TGFBR3: variants seen among roughly 807,000 people sequenced by gnomAD.
The protein encoded by TGFBR3 is transforming growth factor beta receptor type 3.
A neutral mutation model predicts 87.9 loss-of-function variants in TGFBR3; 46 were observed. The ratio of observed to expected loss-of-function variants is 0.52; its 90% CI spans 0.41 to 0.67. TGFBR3 has a LOEUF of 0.67. Ranked by LOEUF, TGFBR3 falls within the 30% of genes least tolerant of loss-of-function variation. The pLI, the probability that TGFBR3 is intolerant of heterozygous loss-of-function variation, is 0.00. For missense variants in TGFBR3, 866 were observed against 1,041.9 expected (o/e 0.83, Z 2.32); for synonymous variants, 381 against 391.6 (o/e 0.97, Z 0.32).
intron 2 of TGFBR3, among the ~76,000 whole-genome samples, chr1:91,821,141 C>T (rs1032674659): frequency 1.3e-5 from 2 of 151,926 alleles, no homozygotes; most frequent in African/African-American, 4.8e-5. Flanking sequence ...AGCAACCTGG[C>T]CAACATGGTG....
chr1:91,801,777 CAA>C (rs1399153913), intron 2 of TGFBR3, among the ~76,000 whole-genome samples: 2 of 152,108 alleles, frequency 1.3e-5, no homozygotes, highest in East Asian at 3.9e-4. Flanking sequence ...AAACCTTCCT[CAA>C]AAAGTGTGCC....
At chr1:91,729,107 C>T (rs4658264) in intron 6 of TGFBR3, among the ~76,000 whole-genome samples, 25,103 of 109,380 alleles carry the variant, frequency 0.23, 4,062 homozygotes, top group East Asian at 0.48. Flanking sequence ...CAAGCGCTAT[C>T]GAATGGCTCT....
chr1:91,897,171 G>C (rs189145973), intron 2 of TGFBR3, among the ~76,000 whole-genome samples: 20 of 152,188 alleles, frequency 1.3e-4, no homozygotes, highest in Admixed American at 3.3e-4. Context: ...GATTATAATG[G>C]TCTTTTCAAT....
At chr1:91,842,197 G>A (rs1677314768) in intron 2 of TGFBR3, among the ~76,000 whole-genome samples, 1 of 152,148 alleles carries the variant, frequency 6.6e-6, no homozygotes, top group Non-Finnish European at 1.5e-5. Context: ...ACATTTTAGT[G>A]GGGGAAGATA....
intron 4 of TGFBR3, among the ~76,000 whole-genome samples, chr1:91,748,010 G>A (rs1003188910): frequency 1.3e-5 from 2 of 152,186 alleles, no homozygotes; most frequent in Admixed American, 1.3e-4. Context: ...TAGCTCCTGG[G>A]AATGGCTGGT....
At chr1:91,904,254 G>T (rs1209626473) in intron 1 of TGFBR3, among the ~76,000 whole-genome samples, 1 of 148,704 alleles carries the variant, frequency 6.7e-6, no homozygotes, top group Non-Finnish European at 1.5e-5. Context: ...GTGGTTAAAA[G>T]CATGGGTTTG....
intron 3 of TGFBR3, among the ~76,000 whole-genome samples, chr1:91,774,848 G>A (rs975328642): frequency 6.6e-6 from 1 of 152,192 alleles, no homozygotes; most frequent in Non-Finnish European, 1.5e-5. Flanking sequence ...ATAGAGAAAA[G>A]AGTGAAATCA....
intron 2 of TGFBR3, among the ~76,000 whole-genome samples, chr1:91,815,350 T>A (rs1373382627): frequency 7.8e-6 from 1 of 127,960 alleles, no homozygotes; most frequent in African/African-American, 2.9e-5. Context: ...ATAGGGATAG[T>A]CCTGTCCTAG....
At chr1:91,761,822 A>C (rs1463573915) in intron 3 of TGFBR3, among the ~76,000 whole-genome samples, 3 of 152,108 alleles carry the variant, frequency 2.0e-5, no homozygotes, top group Non-Finnish European at 4.4e-5. Flanking sequence ...ATTATAGCTC[A>C]GGGTAGACTA....
At chr1:91,818,519 G>A (rs144418371) in intron 2 of TGFBR3, among the ~76,000 whole-genome samples, 143 of 152,248 alleles carry the variant, frequency 9.4e-4, no homozygotes, top group African/African-American at 3.3e-3. Flanking sequence ...TCATAGAGGT[G>A]TGATTCAATT....
intron 14 of TGFBR3, 138 bp downstream of exon 14, chr1:91,708,525 C>T (rs769413920): frequency 7.3e-7 from 1 of 1,362,484 alleles, no homozygotes; most frequent in African/African-American, 1.4e-5. Flanking sequence ...ACTCTTCGGG[C>T]AAAAAATGGT....
intron 2 of TGFBR3, among the ~76,000 whole-genome samples, chr1:91,807,890 A>T (rs1675892466): frequency 6.6e-6 from 1 of 152,244 alleles, no homozygotes; most frequent in South Asian, 2.1e-4. Context: ...GGCTTGACTT[A>T]TAGATCAAAT....
At chr1:91,886,335 C>G (rs565022117), upstream of TGFBR3, 80 of 366,030 alleles carry the variant, frequency 2.2e-4, no homozygotes, top group Middle Eastern at 2.0e-3. Context: ...CTCTCCTCCC[C>G]CTTTGCCTCC....
Position 91,712,319 on chromosome 1 carries a change from T to G in TGFBR3, c.2090A>C (p.Asn697Thr), listed in dbSNP as rs1672010143. 6.2e-7 allele frequency: 1 copy of G among 1,614,238 alleles called. No individual in the cohort carries two copies. The highest frequency in any genetic ancestry group is 8.5e-7 in the Non-Finnish European group (1 of 1,180,032). The change falls in exon 13 of 17, where the codon AAC becomes ACC. Residue 697 changes from asparagine to threonine, a missense_variant. Physicochemically the swap from Asn to Thr is moderately conservative, Grantham distance 65 (BLOSUM62 0). Coordinates refer to ENST00000212355, the MANE Select transcript of TGFBR3 (RefSeq NM_003243.5). ...RFSFVFKPVF[N>T]TSLLFLQCEL... ...ACACTGTAGAAAGAGCAGTGAGGTGTTGAAGACAGGCTTGAAGACAAAGCT... is the reference window on the plus strand; with the variant it reads ...ACACTGTAGAAAGAGCAGTGAGGTGGTGAAGACAGGCTTGAAGACAAAGCT...
chr1:91,767,323 G>T lies in TGFBR3; in HGVS notation c.247-8573C>A, dbSNP rs947691703. Among the ~76,000 whole-genome samples, 2 of 133,724 alleles carry T rather than the reference G, an allele frequency of 1.5e-5. 1 individual carries two copies. Among genetic ancestry groups the T allele is most frequent in the African/African-American group, 5.6e-5 (2 of 35,604 alleles). The allele number at this position is 133,724 out of a possible 152,430, so 87.7% of individuals were successfully genotyped here. On this transcript the variant is annotated intron_variant, in intron 3 of 16. Transcript: ENST00000212355. ...TAGAAAGTATATTAACCTGAAGCTG[G>T]TAAGGAATTCTTTAGGAGTACAGTG...
chr1:91,823,219 A>G (rs760224782), intron 2 of TGFBR3, among the ~76,000 whole-genome samples: 11 of 152,174 alleles, frequency 7.2e-5, no homozygotes, highest in Non-Finnish European at 2.9e-5. Flanking sequence ...GTGATATCTG[A>G]GGTGATTCTT....
At chr1:91,763,396 G>A (rs532227198) in intron 3 of TGFBR3, among the ~76,000 whole-genome samples, 17 of 152,324 alleles carry the variant, frequency 1.1e-4, no homozygotes, top group African/African-American at 4.1e-4. Context: ...GGCTGTTCAT[G>A]AAGCAATGAA....
At chr1:91,698,056 GT>G in intron 15 of TGFBR3, 32 bp downstream of exon 15, 1 of 1,608,344 alleles carries the variant, frequency 6.2e-7, no homozygotes, top group East Asian at 2.2e-5. Flanking sequence ...AGCCCAGGAG[GT>G]TTTATTTCGA....
chr1:91,775,594 T>C (rs1303058228), intron 3 of TGFBR3, among the ~76,000 whole-genome samples: 1 of 152,242 alleles, frequency 6.6e-6, no homozygotes, highest in Non-Finnish European at 1.5e-5. Context: ...TGGGAAATCC[T>C]TTCATTTACA....
Sources: allele counts gnomAD v4.1 joint callset (sites outside exome capture counted in the v4.1 genomes callset), GRCh38; gene constraint gnomAD v4.1.1; transcripts MANE v1.5; gene names NCBI Gene and HGNC (gene_info 2026-07-23, HGNC 2026-07-21).